Variants in MCPH1 observed in about 807,000 individuals in gnomAD.
The protein encoded by MCPH1 is microcephalin.
In MCPH1, 104 loss-of-function variants were observed where a neutral mutation model predicts 84.5. That is an observed-to-expected ratio of 1.23 (90% CI 1.05 to 1.45). The LOEUF is 1.45. Among genes scored for constraint, MCPH1 ranks in the 40% most tolerant of loss-of-function variants. The probability of loss-of-function intolerance (pLI) is 0.00; values close to 1 mark genes in which losing one functional copy is unlikely to be tolerated. For synonymous variants in MCPH1, 514 were observed against 366.8 expected (o/e 1.40, Z -4.58); for missense variants, 1,498 against 1,005.7 (o/e 1.49, Z -6.62).
At chr8:6,492,501 G>A (rs76439067) in intron 11 of MCPH1, among the ~76,000 whole-genome samples, 2 of 151,594 alleles carry the variant, frequency 1.3e-5, no homozygotes, top group Admixed American at 1.3e-4. Flanking sequence ...ATCAATTTTG[G>A]CTTTTGTTGC....
At chr8:6,571,988 C>G (rs572930049) in intron 12 of MCPH1, among the ~76,000 whole-genome samples, 12 of 152,162 alleles carry the variant, frequency 7.9e-5, no homozygotes, top group Admixed American at 7.8e-4. Flanking sequence ...TCCACTTTTT[C>G]TCTTAAAAAC....
At position 6,477,517 on chromosome 8, in the gene MCPH1, T is replaced by C. The variant is rs544257699; in HGVS notation, c.1936-77T>C. 4.1e-5 allele frequency: 54 copies of C among 1,331,372 alleles called. 1 individual carries two copies. The South Asian group carries it at 5.8e-4, about 14-fold the overall frequency. The allele number at this position is 1,331,372 out of a possible 1,614,324, so 82.5% of individuals were successfully genotyped here. A position where few individuals can be genotyped will look rare whatever the true frequency, so the allele number is the denominator to read the frequency against. On this transcript the variant is annotated intron_variant, in intron 9 of 13. Coordinates refer to ENST00000344683, the MANE Select transcript of MCPH1 (RefSeq NM_024596.5). ...GTGATGTAACTTTTCAAAAAACTTA[T>C]TACAGTTTATTTCTGTGGGAAAAAT...
At chr8:6,582,970 C>G (rs1378726189) in intron 12 of MCPH1, among the ~76,000 whole-genome samples, 2 of 152,180 alleles carry the variant, frequency 1.3e-5, no homozygotes, top group African/African-American at 4.8e-5. Flanking sequence ...TCACTGTCTT[C>G]TGAAGTTCTG....
At chr8:6,633,068 T>A (rs917864205) in intron 13 of MCPH1, among the ~76,000 whole-genome samples, 1 of 152,106 alleles carries the variant, frequency 6.6e-6, no homozygotes, top group Non-Finnish European at 1.5e-5. Flanking sequence ...GATAACTTTC[T>A]TAACTATGGA....
Position 6,409,322 on chromosome 8 carries a change from A to T in MCPH1, c.66A>T (p.Glu22Asp). 1 of 1,614,178 alleles carries T rather than the reference A, an allele frequency of 6.2e-7. No homozygotes were observed. The highest frequency in any genetic ancestry group is 8.5e-7 in the Non-Finnish European group (1 of 1,180,002). ...YVEVWSSNGT[E>D]NYSKTFTTQL... ...AAGTGTGGTCATCCAATGGAACAGA[A>T]AATTATTCAAAGACATTTACAACAC... The change falls in exon 2 of 14, where the codon GAA becomes GAT. Residue 22 changes from glutamate to aspartate, a missense_variant. Coordinates refer to ENST00000344683, the MANE Select transcript of MCPH1 (RefSeq NM_024596.5).
chr8:6,419,384 C>T (rs1274074622), intron 3 of MCPH1, among the ~76,000 whole-genome samples: 7 of 79,404 alleles, frequency 8.8e-5, no homozygotes, highest in Admixed American at 6.6e-4. Context: ...CCATGCCCAG[C>T]CATTAAAAAA....
At chr8:6,629,919 C>G (rs1185107428) in intron 13 of MCPH1, among the ~76,000 whole-genome samples, 1 of 152,188 alleles carries the variant, frequency 6.6e-6, no homozygotes, top group African/African-American at 2.4e-5. Flanking sequence ...AAGTGGAAAA[C>G]TCTTTTTTGT....
Position 6,499,936 on chromosome 8 carries a change from C to G in MCPH1, c.2214+7C>G. 2 of 1,612,220 alleles carry G rather than the reference C, an allele frequency of 1.2e-6. No individual in the cohort carries two copies. The highest frequency in any genetic ancestry group is 1.7e-6 in the Non-Finnish European group (2 of 1,178,634). ...CCACTTCCCTGCAGCTCCCGTAAGTCAGATGTTGTTTTACGATGGTAAATG... is the reference window on the plus strand; with the variant it reads ...CCACTTCCCTGCAGCTCCCGTAAGTGAGATGTTGTTTTACGATGGTAAATG... On this transcript the variant is annotated splice_region_variant and intron_variant, in intron 12 of 13. Transcript: ENST00000344683.
In MCPH1 at chr8:6,556,113, G is replaced by A. The variant is rs148654871; in HGVS notation, c.2214+56184G>A. ...GAATTGCTGCCAAGACTAACCAAGGGTGTCAACCAGTGACTTAACTTCTCA... is the reference window on the plus strand; with the variant it reads ...GAATTGCTGCCAAGACTAACCAAGGATGTCAACCAGTGACTTAACTTCTCA... On this transcript the variant is annotated intron_variant, in intron 12 of 13. Transcript: ENST00000344683. Among the ~76,000 whole-genome samples the A allele has an allele frequency of 3.4e-3, 511 of 152,190 alleles. 3 individuals are homozygous for A. Among genetic ancestry groups the A allele is most frequent in the South Asian group, 0.013 (64 of 4,796 alleles).
intron 13 of MCPH1, among the ~76,000 whole-genome samples, chr8:6,634,526 A>C (rs544379695): frequency 1.3e-4 from 20 of 152,370 alleles, no homozygotes; most frequent in Non-Finnish European, 2.6e-4. Flanking sequence ...GCAGGCACGC[A>C]TAAGTGTAAA....
rs1041034624 is a variant in MCPH1, at chr8:6,414,757, G to A, written c.115-8G>A. On this transcript the variant is annotated splice_region_variant and splice_polypyrimidine_tract_variant and intron_variant, in intron 2 of 13. Transcript: ENST00000344683. ...ATGTACATTTTGTTTTCTGCATTTT[G>A]TCTACAGGTTTCAAAAACTTTTAAC... The A allele has an allele frequency of 5.0e-6, 8 of 1,613,100 alleles. No individual in the cohort carries two copies. The highest frequency in any genetic ancestry group is 6.8e-6 in the Non-Finnish European group (8 of 1,179,500).
At chr8:6,569,623 G>T (rs78340857) in intron 12 of MCPH1, among the ~76,000 whole-genome samples, 5,143 of 152,292 alleles carry the variant, frequency 0.034, 174 homozygotes, top group East Asian at 0.13. Context: ...GGAAATCAAG[G>T]CTCCGTGAAG....
intron 12 of MCPH1, among the ~76,000 whole-genome samples, chr8:6,612,755 CT>C (rs1830396482): frequency 6.6e-6 from 1 of 152,250 alleles, no homozygotes; most frequent in African/African-American, 2.4e-5. Context: ...CCTGCTCCTT[CT>C]CCCAGCTGGT....
At chr8:6,419,190 C>CA (rs138097730) in intron 3 of MCPH1, among the ~76,000 whole-genome samples, 7 of 7,746 alleles carry the variant, frequency 9.0e-4, no homozygotes, top group South Asian at 8.6e-3. Context: ...CACACACACG[C>CA]ATTTTTACCC....
chr8:6,624,267 G>A (rs1409577414), intron 13 of MCPH1, among the ~76,000 whole-genome samples: 3 of 152,222 alleles, frequency 2.0e-5, no homozygotes, highest in African/African-American at 4.8e-5. Context: ...CCTGTAACTT[G>A]TGTCCTGTTT....
chr8:6,470,377 G>A (rs1807560431), intron 9 of MCPH1, among the ~76,000 whole-genome samples: 1 of 152,014 alleles, frequency 6.6e-6, no homozygotes, highest in Non-Finnish European at 1.5e-5. Flanking sequence ...TCCGTCTCCC[G>A]GGTTCAAGCG....
At position 6,461,100 on chromosome 8, in the gene MCPH1, A is replaced by T. The variant is rs929695917; in HGVS notation, c.1935+5848A>T. ...GAACACGTAGGTCAGTTTGCAAAAG[A>T]CACACTAAACACCTGAATTGACATT... On this transcript the variant is annotated intron_variant, in intron 9 of 13. Transcript: ENST00000344683. Among the ~76,000 whole-genome samples the T allele has an allele frequency of 3.9e-5, 6 of 152,306 alleles. No homozygotes were observed. The East Asian group carries it at 5.8e-4, about 15-fold the overall frequency.
intron 8 of MCPH1, among the ~76,000 whole-genome samples, chr8:6,450,812 A>T (rs1463824311): frequency 6.6e-6 from 1 of 152,092 alleles, no homozygotes; most frequent in African/African-American, 2.4e-5. Context: ...ACATGATCGC[A>T]GCTCAATGCA....
In MCPH1 at chr8:6,606,885, G is replaced by A. The variant is rs147782159; in HGVS notation, c.2215-14569G>A. On this transcript the variant is annotated intron_variant, in intron 12 of 13. Coordinates refer to ENST00000344683, the MANE Select transcript of MCPH1 (RefSeq NM_024596.5). ...CTGCACAAGCTCTCTTCTCTTGTTT[G>A]CCACCATGTGAGATGTGCCTTTCAC... 5.4e-3 allele frequency among the ~76,000 whole-genome samples: 826 copies of A among 152,318 alleles called. 2 individuals carry two copies. Among genetic ancestry groups the A allele is most frequent in the Non-Finnish European group, 7.8e-3 (532 of 68,036 alleles).
Sources: gnomAD v4.1 joint callset for allele counts (sites outside exome capture counted in the v4.1 genomes callset) on GRCh38, gnomAD v4.1.1 for gene constraint, MANE v1.5 for transcripts, NCBI Gene and HGNC (gene_info 2026-07-23, HGNC 2026-07-21) for gene names.